Variants in DCC observed in about 807,000 individuals in gnomAD.
DCC encodes DCC netrin 1 receptor.
A neutral mutation model predicts 172.5 loss-of-function variants in DCC; 58 were observed. The observed-to-expected ratio is 0.34, with a 90% CI of 0.27 to 0.42. DCC has a LOEUF of 0.42. Among genes scored for constraint, DCC ranks in the 10% least tolerant of loss-of-function variants. DCC has a pLI of 1.00. For missense variants in DCC, 1,740 were observed against 1,791.0 expected (o/e 0.97, Z 0.51); for synonymous variants, 709 against 644.5 (o/e 1.10, Z -1.52).
At chr18:53,204,782 A>G (rs2144548418) in intron 9 of DCC, among the ~76,000 whole-genome samples, 1 of 152,310 alleles carries the variant, frequency 6.6e-6, no homozygotes, top group South Asian at 2.1e-4. Flanking sequence ...TAGCTGTGCG[A>G]CCTATTTTAA....
intron 20 of DCC, among the ~76,000 whole-genome samples, chr18:53,411,491 C>A (rs10502974): frequency 0.43 from 65,645 of 151,916 alleles, 16,005 homozygotes; most frequent in Non-Finnish European, 0.56. Context: ...TGGCAGAAAT[C>A]TTAATACATG....
Position 52,458,169 on chromosome 18 carries a change from T to C in DCC, c.91+117291T>C, listed in dbSNP as rs147476775. Reference sequence around the variant, plus strand: ...ACCTCTCCACAGCAAGTCCCAGGGTTTCATTCTGCTTCATATCTCATGTTA... The same window carrying C: ...ACCTCTCCACAGCAAGTCCCAGGGTCTCATTCTGCTTCATATCTCATGTTA... On this transcript the variant is annotated intron_variant, in intron 1 of 28. Coordinates refer to ENST00000442544, the MANE Select transcript of DCC (RefSeq NM_005215.4). Among the ~76,000 whole-genome samples, 552 of 152,258 alleles carry C rather than the reference T, an allele frequency of 3.6e-3. 6 individuals are homozygous for C. The highest frequency in any genetic ancestry group is 0.012 in the African/African-American group (492 of 41,554).
At chr18:52,807,313 A>G (rs1375984679) in intron 2 of DCC, among the ~76,000 whole-genome samples, 1 of 152,188 alleles carries the variant, frequency 6.6e-6, no homozygotes, top group East Asian at 1.9e-4. Context: ...CCATCTGAGC[A>G]TACATCTGTA....
intron 9 of DCC, among the ~76,000 whole-genome samples, chr18:53,203,459 G>A (rs1450954982): frequency 6.6e-6 from 1 of 152,034 alleles, no homozygotes; most frequent in Non-Finnish European, 1.5e-5. Flanking sequence ...TTAAGAACAA[G>A]GAATCTCAAG....
At chr18:52,432,084 T>C (rs923462578) in intron 1 of DCC, among the ~76,000 whole-genome samples, 4 of 152,160 alleles carry the variant, frequency 2.6e-5, no homozygotes, top group African/African-American at 9.7e-5. Flanking sequence ...CCCTGATGGC[T>C]TTTATATATT....
chr18:52,748,435 G>A (rs1354639661), intron 1 of DCC, among the ~76,000 whole-genome samples: 3 of 152,228 alleles, frequency 2.0e-5, no homozygotes, highest in African/African-American at 4.8e-5. Context: ...CAGAAGGGTT[G>A]CAGCTCTTCT....
chr18:52,372,286 TG>T (rs1985154407), intron 1 of DCC, among the ~76,000 whole-genome samples: 1 of 152,152 alleles, frequency 6.6e-6, no homozygotes, highest in South Asian at 2.1e-4. Context: ...CTCTGGGGAT[TG>T]GTTGTGTAGT....
intron 1 of DCC, among the ~76,000 whole-genome samples, chr18:52,708,761 A>G (rs2036250678): frequency 6.6e-6 from 1 of 152,206 alleles, no homozygotes; most frequent in Non-Finnish European, 1.5e-5. Context: ...GAAAAATACA[A>G]GAGAAAAAAC....
At chr18:52,660,455 A>C (rs7239496) in intron 1 of DCC, among the ~76,000 whole-genome samples, 4 of 151,920 alleles carry the variant, frequency 2.6e-5, no homozygotes, top group South Asian at 2.1e-4. Context: ...ATTGACTATC[A>C]AGTCACTTGT....
At chr18:53,345,764 T>C (rs1220878652) in intron 15 of DCC, among the ~76,000 whole-genome samples, 2 of 151,996 alleles carry the variant, frequency 1.3e-5, no homozygotes, top group Non-Finnish European at 1.5e-5. Context: ...TTGACAGATT[T>C]TTTTTTTCTT....
chr18:52,634,542 T>A (rs1315045777), intron 1 of DCC, among the ~76,000 whole-genome samples: 2 of 152,220 alleles, frequency 1.3e-5, no homozygotes, highest in East Asian at 3.9e-4. Context: ...ACGAGAAAAA[T>A]AACTTATAAA....
chr18:52,356,107 G>A (rs1381459833), intron 1 of DCC, among the ~76,000 whole-genome samples: 1 of 152,152 alleles, frequency 6.6e-6, no homozygotes, highest in East Asian at 1.9e-4. Flanking sequence ...AGAGAGATGT[G>A]GCAAGGTCAT....
intron 1 of DCC, among the ~76,000 whole-genome samples, chr18:52,566,601 T>A (rs571596404): frequency 2.0e-4 from 30 of 152,250 alleles, no homozygotes; most frequent in Admixed American, 2.0e-3. Context: ...TTTATACCAA[T>A]TTTGTATATA....
chr18:53,194,284 A>G (rs1023887901), intron 9 of DCC, among the ~76,000 whole-genome samples: 1 of 152,066 alleles, frequency 6.6e-6, no homozygotes, highest in African/African-American at 2.4e-5. Context: ...TTAAACATCA[A>G]TTTATGGTTT....
At chr18:52,563,919 T>C (rs1406832880) in intron 1 of DCC, among the ~76,000 whole-genome samples, 1 of 152,150 alleles carries the variant, frequency 6.6e-6, no homozygotes, top group African/African-American at 2.4e-5. Context: ...CCCACTGTGT[T>C]CTAGTCAATT....
At chr18:52,637,417 A>G (rs2034802835) in intron 1 of DCC, among the ~76,000 whole-genome samples, 1 of 152,178 alleles carries the variant, frequency 6.6e-6, no homozygotes, top group Admixed American at 6.5e-5. Context: ...CCAAAATATG[A>G]TACCAGAAGT....
intron 7 of DCC, among the ~76,000 whole-genome samples, chr18:53,066,955 T>G (rs1282825602): frequency 6.6e-6 from 1 of 151,928 alleles, no homozygotes; most frequent in Non-Finnish European, 1.5e-5. Context: ...GGGGAAGTGC[T>G]ACACACTTTT....
At chr18:52,530,074 T>A (rs915405696) in intron 1 of DCC, among the ~76,000 whole-genome samples, 1 of 152,258 alleles carries the variant, frequency 6.6e-6, no homozygotes, top group Non-Finnish European at 1.5e-5. Context: ...AACTATATGA[T>A]GTATAGTATA....
At chr18:52,498,882 T>C (rs1275090990) in intron 1 of DCC, among the ~76,000 whole-genome samples, 2 of 152,078 alleles carry the variant, frequency 1.3e-5, no homozygotes, top group African/African-American at 4.8e-5. Flanking sequence ...TAACCTTAAT[T>C]ACTTACTTTA....
Sources: allele counts gnomAD v4.1 joint callset (sites outside exome capture counted in the v4.1 genomes callset), GRCh38; gene constraint gnomAD v4.1.1; transcripts MANE v1.5; gene names NCBI Gene and HGNC (gene_info 2026-07-23, HGNC 2026-07-21).